The following AHCYL2 variants were observed in gnomAD, a reference collection of about 807,000 sequenced individuals.
The protein encoded by AHCYL2 is adenosylhomocysteinase like 2.
AHCYL2 carries 28 observed loss-of-function variants against 81.4 expected under a neutral mutation model. That is an observed-to-expected ratio of 0.34 (90% CI 0.25 to 0.47). AHCYL2 has a LOEUF of 0.47. Ranked by LOEUF, AHCYL2 falls within the 20% of genes least tolerant of loss-of-function variation. AHCYL2 has a pLI of 1.00. For synonymous variants in AHCYL2, 272 were observed against 290.2 expected (o/e 0.94, Z 0.64); for missense variants, 551 against 785.1 (o/e 0.70, Z 3.56).
intron 1 of AHCYL2, among the ~76,000 whole-genome samples, chr7:129,347,252 C>T (rs1793394506): frequency 6.6e-6 from 1 of 152,020 alleles, no homozygotes; most frequent in Non-Finnish European, 1.5e-5. Flanking sequence ...TGTATAACAC[C>T]AAGAGGGAAC....
chr7:129,389,230 A>T (rs1441626572), intron 3 of AHCYL2, 31 bp downstream of exon 3: 1 of 1,613,302 alleles, frequency 6.2e-7, no homozygotes, highest in South Asian at 1.1e-5. Flanking sequence ...TTCCTTCTTA[A>T]CCTACCTGTG....
intron 1 of AHCYL2, among the ~76,000 whole-genome samples, chr7:129,283,991 G>A (rs1011759446): frequency 6.6e-6 from 1 of 152,126 alleles, no homozygotes; most frequent in African/African-American, 2.4e-5. Flanking sequence ...CTACAATGGA[G>A]TCATTTTTTT....
chr7:129,318,712 G>T (rs1797911060), intron 1 of AHCYL2, among the ~76,000 whole-genome samples: 1 of 151,718 alleles, frequency 6.6e-6, no homozygotes, highest in African/African-American at 2.4e-5. Context: ...AAGAAACCAT[G>T]GGAGAATTAA....
chr7:129,399,620 G>A (rs1795927205), intron 5 of AHCYL2, among the ~76,000 whole-genome samples: 1 of 151,826 alleles, frequency 6.6e-6, no homozygotes, highest in Non-Finnish European at 1.5e-5. Context: ...AATGATTAAA[G>A]TATAGAAGCA....
chr7:129,339,992 C>A (rs1290864542), intron 1 of AHCYL2, among the ~76,000 whole-genome samples: 1 of 140,162 alleles, frequency 7.1e-6, no homozygotes, highest in Non-Finnish European at 1.5e-5. Flanking sequence ...GATCTCGGCT[C>A]ACTGCAAGCT....
chr7:129,242,037 GCAGATAA>G (rs1794877520), intron 1 of AHCYL2, among the ~76,000 whole-genome samples: 1 of 151,886 alleles, frequency 6.6e-6, no homozygotes, highest in African/African-American at 2.4e-5. Context: ...TTGTATGTCA[GCAGATAA>G]TATATAGCAT....
chr7:129,360,804 G>T (rs988637086), intron 1 of AHCYL2, among the ~76,000 whole-genome samples: 1 of 152,122 alleles, frequency 6.6e-6, no homozygotes, highest in Non-Finnish European at 1.5e-5. Context: ...CCAGAGATAG[G>T]CAGAGACCAA....
chr7:129,342,179 T>A (rs369004511), intron 1 of AHCYL2, among the ~76,000 whole-genome samples: 2 of 152,154 alleles, frequency 1.3e-5, no homozygotes, highest in Non-Finnish European at 2.9e-5. Flanking sequence ...ACACCAGTGT[T>A]GAAGTATTCC....
At chr7:129,237,500 A>G (rs984470476) in intron 1 of AHCYL2, among the ~76,000 whole-genome samples, 18 of 152,180 alleles carry the variant, frequency 1.2e-4, no homozygotes, top group Non-Finnish European at 1.5e-4. Context: ...GCATCCTGAT[A>G]CTACTGATTT....
chr7:129,319,508 C>T (rs1797940331), intron 1 of AHCYL2, among the ~76,000 whole-genome samples: 1 of 151,598 alleles, frequency 6.6e-6, no homozygotes, highest in African/African-American at 2.4e-5. Flanking sequence ...GGGGAATGCA[C>T]ATAAAAACTA....
intron 1 of AHCYL2, among the ~76,000 whole-genome samples, chr7:129,252,367 T>G (rs1795274004): frequency 6.6e-6 from 1 of 152,224 alleles, no homozygotes; most frequent in South Asian, 2.1e-4. Context: ...AAAGCAACAC[T>G]GGTTTTATTT....
At position 129,368,334 on chromosome 7, in the gene AHCYL2, G is replaced by A; in HGVS notation, c.364-11304G>A. ...GGCAGTTGACTAATGCTCTTGATTTGAATCGGAGGCTGCTGTGAAAAGGGA... is the reference window on the plus strand; with the variant it reads ...GGCAGTTGACTAATGCTCTTGATTTAAATCGGAGGCTGCTGTGAAAAGGGA... On this transcript the variant is annotated intron_variant, in intron 1 of 16. Transcript: ENST00000325006. The surrounding 1 kb of genome is among the most constrained non-coding windows in gnomAD (Gnocchi z 4.4). 2 of 1,456,344 alleles carry A rather than the reference G, an allele frequency of 1.4e-6. No homozygotes were observed. Among genetic ancestry groups the A allele is most frequent in the Non-Finnish European group, 1.8e-6 (2 of 1,103,252 alleles). The allele number at this position is 1,456,344 out of a possible 1,614,324, so 90.2% of individuals were successfully genotyped here.
At chr7:129,408,769 ACC>A (rs1796421682) in intron 10 of AHCYL2, among the ~76,000 whole-genome samples, 1 of 150,160 alleles carries the variant, frequency 6.7e-6, no homozygotes, top group Non-Finnish European at 1.5e-5. Flanking sequence ...CCTGCAGAGC[ACC>A]AATATCCAAA....
chr7:129,317,227 A>G (rs1797854739), intron 1 of AHCYL2, among the ~76,000 whole-genome samples: 1 of 152,208 alleles, frequency 6.6e-6, no homozygotes, highest in African/African-American at 2.4e-5. Context: ...TTGTCTACAG[A>G]AGCCATCATG....
intron 1 of AHCYL2, among the ~76,000 whole-genome samples, chr7:129,298,414 A>G (rs964646745): frequency 1.3e-5 from 2 of 152,206 alleles, no homozygotes; most frequent in Non-Finnish European, 2.9e-5. Flanking sequence ...ACTGGTATCA[A>G]ATTTTGCTTC....
At chr7:129,279,747 A>G (rs1357545994) in intron 1 of AHCYL2, among the ~76,000 whole-genome samples, 2 of 152,164 alleles carry the variant, frequency 1.3e-5, no homozygotes, top group Non-Finnish European at 2.9e-5. Flanking sequence ...GGAAAAGGGG[A>G]GGCATTTCCC....
chr7:129,327,723 C>G (rs989222577), intron 1 of AHCYL2, among the ~76,000 whole-genome samples: 1 of 152,128 alleles, frequency 6.6e-6, no homozygotes, highest in African/African-American at 2.4e-5. Context: ...CTTGGCCTCC[C>G]AAAGTGCTGA....
intron 11 of AHCYL2, among the ~76,000 whole-genome samples, chr7:129,410,956 A>C (rs1016812356): frequency 6.6e-6 from 1 of 152,112 alleles, no homozygotes; most frequent in African/African-American, 2.4e-5. Flanking sequence ...TTAAATAGAG[A>C]TGAGGTCTCA....
chr7:129,324,129 C>T (rs866058155), intron 1 of AHCYL2, among the ~76,000 whole-genome samples: 4 of 152,054 alleles, frequency 2.6e-5, no homozygotes, highest in African/African-American at 9.7e-5. Flanking sequence ...ATGATCCACC[C>T]GCCTTGGTGT....
Sources: allele counts gnomAD v4.1 joint callset (sites outside exome capture counted in the v4.1 genomes callset), GRCh38; gene constraint gnomAD v4.1.1; non-coding constraint Gnocchi (gnomAD v3.1); transcripts MANE v1.5; gene names NCBI Gene and HGNC (gene_info 2026-07-23, HGNC 2026-07-21).